CNTN5: variants seen among roughly 807,000 people sequenced by gnomAD.
CNTN5 encodes contactin 5, also known as contactin-5.
In CNTN5, 77 loss-of-function variants were observed where a neutral mutation model predicts 129.1. That is an observed-to-expected ratio of 0.60 (90% CI 0.50 to 0.72). The LOEUF is 0.72. Ranked by LOEUF, CNTN5 falls within the 30% of genes least tolerant of loss-of-function variation. The probability of loss-of-function intolerance (pLI) is 0.00; values close to 1 mark genes in which losing one functional copy is unlikely to be tolerated. For missense variants in CNTN5, 1,478 were observed against 1,328.8 expected, an observed-to-expected ratio of 1.11 and a Z score of -1.75; for synonymous variants, 509 against 465.6, an observed-to-expected ratio of 1.09 and a Z score of -1.20.
intron 13 of CNTN5, among the ~76,000 whole-genome samples, chr11:100,090,164 A>G (rs892376896): frequency 8.5e-5 from 13 of 152,140 alleles, no homozygotes; most frequent in African/African-American, 2.9e-4. Flanking sequence ...TTATGATAAA[A>G]TCCCTCAAGA....
intron 13 of CNTN5, among the ~76,000 whole-genome samples, chr11:100,166,218 ATACT>A (rs954833129): frequency 1.3e-5 from 2 of 151,784 alleles, no homozygotes; most frequent in African/African-American, 4.8e-5. Flanking sequence ...GGTGTCATTG[ATACT>A]TAATATTCCA....
chr11:99,975,391 G>GT (rs751947679), intron 8 of CNTN5, among the ~76,000 whole-genome samples: 4 of 152,086 alleles, frequency 2.6e-5, no homozygotes, highest in Non-Finnish European at 5.9e-5. Context: ...CATTTACCCA[G>GT]TGCCTGTACC....
chr11:99,852,487 C>A (rs1170949528), intron 6 of CNTN5, among the ~76,000 whole-genome samples: 1 of 152,156 alleles, frequency 6.6e-6, no homozygotes, highest in African/African-American at 2.4e-5. Flanking sequence ...TAATTTTATA[C>A]TTTTAAAGCA....
rs541350979 is a variant in CNTN5, at chr11:99,174,876, T to C, written c.-209-150470T>C. ...TGTGATAAAATTGTATCTGTGGCTA[T>C]GTAAAAATTATAATTTCTATCTTTA... is the stretch of plus-strand genomic sequence containing the variant. On this transcript the variant is annotated intron_variant, in intron 1 of 24. Transcript: ENST00000524871. Among the ~76,000 whole-genome samples, 23 of 152,288 alleles carry C rather than the reference T, an allele frequency of 1.5e-4. 1 individual carries two copies. In the South Asian group the frequency reaches 4.8e-3, roughly 32 times the overall value.
chr11:99,190,744 T>C (rs1240095958), intron 1 of CNTN5, among the ~76,000 whole-genome samples: 1 of 151,762 alleles, frequency 6.6e-6, no homozygotes, highest in Non-Finnish European at 1.5e-5. Flanking sequence ...TTTTATATCC[T>C]GCAACTTTAC....
At chr11:99,063,442 G>T (rs1234981281) in intron 1 of CNTN5, among the ~76,000 whole-genome samples, 1 of 151,582 alleles carries the variant, frequency 6.6e-6, no homozygotes, top group Non-Finnish European at 1.5e-5. Flanking sequence ...TATAAAAGAA[G>T]AAAACTTATT....
At chr11:100,131,869 C>G (rs1006697387) in intron 13 of CNTN5, among the ~76,000 whole-genome samples, 4 of 151,974 alleles carry the variant, frequency 2.6e-5, no homozygotes, top group African/African-American at 9.7e-5. Flanking sequence ...ATGATAAGGG[C>G]CATGATAGAA....
chr11:100,343,571 A>C (rs1952213313), intron 23 of CNTN5, among the ~76,000 whole-genome samples: 1 of 152,156 alleles, frequency 6.6e-6, no homozygotes, highest in South Asian at 2.1e-4. Flanking sequence ...TCCTCCTGAC[A>C]CAATGGGACA....
At chr11:99,100,639 A>G (rs1252514882) in intron 1 of CNTN5, among the ~76,000 whole-genome samples, 2 of 152,128 alleles carry the variant, frequency 1.3e-5, no homozygotes, top group African/African-American at 4.8e-5. Flanking sequence ...ACTTTTTGGG[A>G]TCCAATATAA....
At chr11:99,450,411 C>T (rs961327857) in intron 2 of CNTN5, among the ~76,000 whole-genome samples, 13 of 151,982 alleles carry the variant, frequency 8.6e-5, no homozygotes, top group African/African-American at 3.1e-4. Flanking sequence ...ACTGTGATGT[C>T]CCCACAAACA....
At chr11:99,175,816 A>G (rs1432899622) in intron 1 of CNTN5, among the ~76,000 whole-genome samples, 1 of 152,106 alleles carries the variant, frequency 6.6e-6, no homozygotes, top group African/African-American at 2.4e-5. Flanking sequence ...GAGATAACCT[A>G]GGAGAACTGC....
At chr11:100,080,802 G>A (rs1322588017) in intron 13 of CNTN5, among the ~76,000 whole-genome samples, 1 of 152,078 alleles carries the variant, frequency 6.6e-6, no homozygotes, top group East Asian at 1.9e-4. Flanking sequence ...AAGAAAATTA[G>A]CATTCATAAA....
intron 1 of CNTN5, among the ~76,000 whole-genome samples, chr11:99,254,455 T>G (rs1862274954): frequency 6.6e-6 from 1 of 151,992 alleles, no homozygotes; most frequent in African/African-American, 2.4e-5. Context: ...TTTGGAAAAT[T>G]AAATCATGAG....
At chr11:99,881,205 G>A (rs1427878071) in intron 6 of CNTN5, among the ~76,000 whole-genome samples, 1 of 152,098 alleles carries the variant, frequency 6.6e-6, no homozygotes, top group African/African-American at 2.4e-5. Flanking sequence ...AAGAGCTGCT[G>A]GAGGACACAT....
At chr11:99,455,561 G>A (rs1207477747) in intron 2 of CNTN5, among the ~76,000 whole-genome samples, 1 of 152,040 alleles carries the variant, frequency 6.6e-6, no homozygotes, top group African/African-American at 2.4e-5. Context: ...ATTCTAAGAG[G>A]AAAGTTGTGG....
chr11:100,294,125 G>C (rs1369217572), intron 18 of CNTN5, among the ~76,000 whole-genome samples: 2 of 151,562 alleles, frequency 1.3e-5, no homozygotes, highest in African/African-American at 4.8e-5. Context: ...GTCTCGAAAA[G>C]AGCTGTATTT....
At chr11:99,495,138 G>A (rs988882881) in intron 2 of CNTN5, among the ~76,000 whole-genome samples, 1 of 152,142 alleles carries the variant, frequency 6.6e-6, no homozygotes, top group African/African-American at 2.4e-5. Flanking sequence ...GGGAGGCTAA[G>A]GCGGCAGATC....
chr11:99,827,711 C>T (rs1308565608), intron 4 of CNTN5, among the ~76,000 whole-genome samples: 7 of 152,056 alleles, frequency 4.6e-5, no homozygotes, highest in Non-Finnish European at 1.0e-4. Flanking sequence ...TTTTTAGAGG[C>T]TTATTAACAG....
In CNTN5 at chr11:99,309,812, GT is replaced by G. The variant is rs200492853; in HGVS notation, c.-209-15526del. Reference sequence around the variant, plus strand: ...ATTAATCAAACAATTGTTTTATTAAGTTTTTTTTAAAAATTTAACTATTAAT... The same window carrying G: ...ATTAATCAAACAATTGTTTTATTAAGTTTTTTTAAAAATTTAACTATTAAT... On this transcript the variant is annotated intron_variant, in intron 1 of 24. Transcript: ENST00000524871. 1.6e-3 allele frequency among the ~76,000 whole-genome samples: 244 copies of G among 152,046 alleles called. 1 individual carries two copies. The highest frequency in any genetic ancestry group is 1.4e-3 in the Non-Finnish European group (96 of 67,986).
Sources: gnomAD v4.1 joint callset for allele counts (sites outside exome capture counted in the v4.1 genomes callset) on GRCh38, gnomAD v4.1.1 for gene constraint, MANE v1.5 for transcripts, NCBI Gene and HGNC (gene_info 2026-07-23, HGNC 2026-07-21) for gene names.